The following SDK1 variants were observed in gnomAD, a reference collection of about 807,000 sequenced individuals.
The protein encoded by SDK1 is protein sidekick-1.
A neutral mutation model predicts 245.5 loss-of-function variants in SDK1; 157 were observed. That is an observed-to-expected ratio of 0.64 (90% CI 0.56 to 0.73). SDK1 has a LOEUF of 0.73. Ranked by LOEUF, SDK1 falls within the 30% of genes least tolerant of loss-of-function variation. The probability of loss-of-function intolerance (pLI) is 0.00; values close to 1 mark genes in which losing one functional copy is unlikely to be tolerated. For missense variants in SDK1, 3,583 were observed against 3,002.3 expected, an observed-to-expected ratio of 1.19 and a Z score of -4.52; for synonymous variants, 1,647 against 1,278.5, an observed-to-expected ratio of 1.29 and a Z score of -6.15.
intron 1 of SDK1, among the ~76,000 whole-genome samples, chr7:3,466,490 T>C (rs1486815478): frequency 3.4e-5 from 5 of 148,392 alleles, no homozygotes; most frequent in African/African-American, 1.3e-4. Context: ...TCCAGCTAAG[T>C]TGTGTGTTGT....
intron 3 of SDK1, among the ~76,000 whole-genome samples, chr7:3,639,453 C>G (rs1037021684): frequency 2.0e-5 from 3 of 152,146 alleles, no homozygotes; most frequent in Admixed American, 6.5e-5. Context: ...GTATAAAGTT[C>G]AACCCAATTA....
At chr7:3,665,595 T>C (rs1033574903) in intron 4 of SDK1, among the ~76,000 whole-genome samples, 2 of 152,206 alleles carry the variant, frequency 1.3e-5, no homozygotes, top group Non-Finnish European at 2.9e-5. Flanking sequence ...TATTTTTATG[T>C]TTGTTTCCTT....
intron 5 of SDK1, among the ~76,000 whole-genome samples, chr7:3,941,226 C>G (rs1206182275): frequency 6.6e-6 from 1 of 152,164 alleles, no homozygotes; most frequent in East Asian, 1.9e-4. Context: ...TCTTCCTCCT[C>G]TTAGCAACAC....
At chr7:3,621,646 A>G (rs1056227978) in intron 2 of SDK1, among the ~76,000 whole-genome samples, 1 of 152,136 alleles carries the variant, frequency 6.6e-6, no homozygotes, top group Non-Finnish European at 1.5e-5. Context: ...GCACCAAGCC[A>G]TTTCTCTTTT....
intron 5 of SDK1, among the ~76,000 whole-genome samples, chr7:3,857,290 G>A (rs989092967): frequency 4.6e-5 from 7 of 152,064 alleles, no homozygotes; most frequent in Admixed American, 4.6e-4. Flanking sequence ...AGGGGAAGGA[G>A]GAGGAGAAAG....
intron 1 of SDK1, among the ~76,000 whole-genome samples, chr7:3,343,396 A>G (rs1354493315): frequency 2.0e-5 from 3 of 152,222 alleles, no homozygotes; most frequent in South Asian, 2.1e-4. Context: ...TAAAAAGCCT[A>G]TTCTAAAAGG....
At chr7:3,605,244 A>G (rs2128640100) in intron 1 of SDK1, among the ~76,000 whole-genome samples, 1 of 152,344 alleles carries the variant, frequency 6.6e-6, no homozygotes, top group East Asian at 1.9e-4. Flanking sequence ...TAAATAATCC[A>G]AAGGGATATA....
chr7:3,829,515 A>AAG (rs1230392468), intron 5 of SDK1, among the ~76,000 whole-genome samples: 1 of 152,240 alleles, frequency 6.6e-6, no homozygotes, highest in African/African-American at 2.4e-5. Context: ...CCCAGATCAC[A>AAG]AGAATAGTCA....
intron 40 of SDK1, among the ~76,000 whole-genome samples, chr7:4,231,992 A>G (rs1277091370): frequency 6.6e-6 from 1 of 150,718 alleles, no homozygotes. Flanking sequence ...AAGCAAATAC[A>G]GTTCATGAAG....
intron 19 of SDK1, among the ~76,000 whole-genome samples, chr7:4,064,098 A>G (rs1486880991): frequency 6.6e-6 from 1 of 152,222 alleles, no homozygotes; most frequent in African/African-American, 2.4e-5. Context: ...TCAAACTTAA[A>G]AACTTCTGTA....
intron 5 of SDK1, among the ~76,000 whole-genome samples, chr7:3,877,944 T>A (rs1781114547): frequency 6.6e-6 from 1 of 152,226 alleles, no homozygotes; most frequent in Non-Finnish European, 1.5e-5. Flanking sequence ...TACACAGCTG[T>A]TTCCTTAGAG....
chr7:3,566,345 C>T (rs1291446398), intron 1 of SDK1, among the ~76,000 whole-genome samples: 2 of 151,632 alleles, frequency 1.3e-5, no homozygotes, highest in Non-Finnish European at 2.9e-5. Context: ...CTGCCTCAGC[C>T]TCCTGAGTAA....
intron 5 of SDK1, among the ~76,000 whole-genome samples, chr7:3,894,063 C>G (rs1276603952): frequency 1.3e-5 from 2 of 152,154 alleles, no homozygotes; most frequent in African/African-American, 4.8e-5. Flanking sequence ...TCCCGAGATT[C>G]CCCATTCTAA....
intron 1 of SDK1, among the ~76,000 whole-genome samples, chr7:3,482,299 G>A (rs536741255): frequency 3.5e-4 from 54 of 152,244 alleles, no homozygotes; most frequent in African/African-American, 1.3e-3. Flanking sequence ...GGGTGAAAAA[G>A]GGCAAGCCAG....
chr7:3,408,530 A>G (rs1415207850), intron 1 of SDK1, among the ~76,000 whole-genome samples: 2 of 152,222 alleles, frequency 1.3e-5, no homozygotes, highest in Non-Finnish European at 2.9e-5. Flanking sequence ...CATTTGACAA[A>G]TTAATGAAGA....
intron 4 of SDK1, among the ~76,000 whole-genome samples, chr7:3,777,976 G>A (rs538476290): frequency 6.6e-6 from 1 of 152,298 alleles, no homozygotes; most frequent in Non-Finnish European, 1.5e-5. Context: ...GATGGACATT[G>A]TGATTTGGCA....
At chr7:3,365,790 T>C (rs975339863) in intron 1 of SDK1, among the ~76,000 whole-genome samples, 6 of 152,042 alleles carry the variant, frequency 3.9e-5, no homozygotes, top group African/African-American at 9.7e-5. Flanking sequence ...CCCAGCACTT[T>C]GGGAGGCCGA....
intron 1 of SDK1, among the ~76,000 whole-genome samples, chr7:3,313,131 G>A (rs1395471127): frequency 6.6e-6 from 1 of 152,206 alleles, no homozygotes; most frequent in African/African-American, 2.4e-5. Flanking sequence ...TGAAATGGCT[G>A]GGTGTGGTGG....
At position 4,266,960 on chromosome 7, in the gene SDK1, G is replaced by A. The variant is rs117412862; in HGVS notation, c.*1576G>A. 6.9e-3 allele frequency: 6,800 copies of A among 985,510 alleles called. 39 individuals carry two copies. Among genetic ancestry groups the A allele is most frequent in the Middle Eastern group, 9.9e-3 (19 of 1,914 alleles). The allele number at this position is 985,510 out of a possible 1,614,324, so 61.0% of individuals were successfully genotyped here. A position where few individuals can be genotyped will look rare whatever the true frequency, so the allele number is the denominator to read the frequency against. On this transcript the variant is annotated 3_prime_UTR_variant, in exon 45 of 45. Transcript: ENST00000404826. ...AGTATCTGACCAGTGCCACCCAGGA[G>A]CCAGTCTCCTGGCCACATGCAGAAA...
Sources: allele counts gnomAD v4.1 joint callset (sites outside exome capture counted in the v4.1 genomes callset), GRCh38; gene constraint gnomAD v4.1.1; transcripts MANE v1.5; gene names NCBI Gene and HGNC (gene_info 2026-07-23, HGNC 2026-07-21).